The following LIPI variants were observed in gnomAD, a reference collection of about 807,000 sequenced individuals.
The protein encoded by LIPI is lipase I, also known as lipase member I.
A neutral mutation model predicts 50.6 loss-of-function variants in LIPI; 59 were observed. That is an observed-to-expected ratio of 1.16 (90% CI 0.94 to 1.45). LIPI has a LOEUF of 1.45. Ranked by LOEUF, LIPI falls within the 40% of genes most tolerant of loss-of-function variation. LIPI has a pLI of 0.00. For synonymous variants in LIPI, 203 were observed against 178.2 expected, an observed-to-expected ratio of 1.14 and a Z score of -1.11; for missense variants, 586 against 536.3, an observed-to-expected ratio of 1.09 and a Z score of -0.92.
chr21:14,206,620 A>G (rs2123356551), intron 1 of LIPI, among the ~76,000 whole-genome samples: 1 of 152,148 alleles, frequency 6.6e-6, no homozygotes, highest in East Asian at 1.9e-4. Context: ...TCATCCCAAA[A>G]ATCCTACATG....
intron 4 of LIPI, among the ~76,000 whole-genome samples, chr21:14,181,038 C>G (rs1347942858): frequency 1.3e-5 from 2 of 152,150 alleles, no homozygotes; most frequent in Non-Finnish European, 2.9e-5. Context: ...AACCTTTATT[C>G]TAGTTTCCTC....
intron 1 of LIPI, among the ~76,000 whole-genome samples, chr21:14,199,431 A>T (rs182289157): frequency 1.2e-3 from 176 of 152,128 alleles, no homozygotes; most frequent in African/African-American, 4.0e-3. Flanking sequence ...ACCCACAGAA[A>T]CACAACCACC....
At chr21:14,119,426 A>T (rs1459189533) in intron 9 of LIPI, among the ~76,000 whole-genome samples, 1 of 152,204 alleles carries the variant, frequency 6.6e-6, no homozygotes, top group African/African-American at 2.4e-5. Flanking sequence ...TCTCAAGGGC[A>T]GCATGAGCTT....
chr21:14,187,696 T>C (rs1447510592), intron 2 of LIPI, among the ~76,000 whole-genome samples: 4 of 152,104 alleles, frequency 2.6e-5, no homozygotes, highest in African/African-American at 9.7e-5. Context: ...CTCCTCTGTC[T>C]CTCTACAGCA....
intron 9 of LIPI, among the ~76,000 whole-genome samples, chr21:14,130,789 C>T (rs1312836578): frequency 6.9e-6 from 1 of 145,620 alleles, no homozygotes; most frequent in Non-Finnish European, 1.5e-5. Context: ...GGACTGAGGT[C>T]TAGCCTGCCC....
chr21:14,180,672 A>G (rs17305801), intron 4 of LIPI, among the ~76,000 whole-genome samples: 5,143 of 152,314 alleles, frequency 0.034, 214 homozygotes, highest in East Asian at 0.23. Context: ...AGAGGTTTGG[A>G]TAACACTAAA....
At chr21:14,149,124 G>A (rs1282681254) in intron 8 of LIPI, among the ~76,000 whole-genome samples, 1 of 152,140 alleles carries the variant, frequency 6.6e-6, no homozygotes, top group Non-Finnish European at 1.5e-5. Flanking sequence ...AAAGAAAAGA[G>A]GTTCAACTGA....
At chr21:14,199,605 C>CA (rs2019981536) in intron 1 of LIPI, among the ~76,000 whole-genome samples, 1 of 149,348 alleles carries the variant, frequency 6.7e-6, no homozygotes, top group Non-Finnish European at 1.5e-5. Context: ...AGCCTACCAA[C>CA]CAAAAAAAAA....
chr21:14,209,775 A>G (rs1489789882), intron 1 of LIPI, among the ~76,000 whole-genome samples: 1 of 152,068 alleles, frequency 6.6e-6, no homozygotes, highest in Non-Finnish European at 1.5e-5. Flanking sequence ...AATGATTATA[A>G]CTGTATTAAA....
At chr21:14,126,926 G>A (rs2017090055) in intron 9 of LIPI, among the ~76,000 whole-genome samples, 1 of 152,150 alleles carries the variant, frequency 6.6e-6, no homozygotes, top group Admixed American at 6.5e-5. Flanking sequence ...TTGGGGTGGT[G>A]ATTATATAAC....
At chr21:14,147,012 T>C (rs890927761) in intron 8 of LIPI, among the ~76,000 whole-genome samples, 4 of 151,954 alleles carry the variant, frequency 2.6e-5, no homozygotes, top group Non-Finnish European at 5.9e-5. Context: ...CTCCTGACCT[T>C]GTGATCCACC....
Position 14,166,429 on chromosome 21 carries a change from C to T in LIPI, c.666G>A (p.Leu222=), listed in dbSNP as rs1373362102. Residue 222 remains leucine, a synonymous_variant, in exon 5 of 10, where the codon TTG becomes TTA. Transcript: ENST00000681601. ...CATTTGGATAAAAATCTATATGTCCCAAGGGCTCTTGAATGCCTAAACCTG... is the reference window on the plus strand; with the variant it reads ...CATTTGGATAAAAATCTATATGTCCTAAGGGCTCTTGAATGCCTAAACCTG... ...DSNGLGIQEP[L]GHIDFYPNGG... is the part of the protein sequence containing the mutation. 11 of 1,608,064 alleles carry T rather than the reference C, an allele frequency of 6.8e-6. No homozygotes were observed. Among genetic ancestry groups the T allele is most frequent in the Non-Finnish European group, 8.5e-6 (10 of 1,174,714 alleles).
At chr21:14,121,829 G>A (rs2016873332) in intron 9 of LIPI, among the ~76,000 whole-genome samples, 1 of 152,132 alleles carries the variant, frequency 6.6e-6, no homozygotes, top group African/African-American at 2.4e-5. Context: ...AGGAACCAAG[G>A]CACAGCAGAA....
At chr21:14,114,242 C>A (rs188605502) in intron 9 of LIPI, among the ~76,000 whole-genome samples, 10 of 151,982 alleles carry the variant, frequency 6.6e-5, no homozygotes, top group African/African-American at 2.4e-4. Context: ...ATGGGGGAAC[C>A]ACCACAATGA....
In LIPI at chr21:14,167,803, A is replaced by G. The variant is rs191908370; in HGVS notation, c.644-1352T>C. On this transcript the variant is annotated intron_variant, in intron 4 of 9. Coordinates refer to ENST00000681601, the MANE Select transcript of LIPI (RefSeq NM_001302998.2). ...AAAAACTGGAAACTCTAAAAAGCAG[A>G]GTGCCTCTCCTCCTCCAAAGGAATG... Among the ~76,000 whole-genome samples the G allele has an allele frequency of 7.7e-3, 1,173 of 152,346 alleles. 19 individuals carry two copies. The highest frequency in any genetic ancestry group is 0.026 in the African/African-American group (1,068 of 41,570).
chr21:14,205,457 A>C (rs2020198377), intron 1 of LIPI, among the ~76,000 whole-genome samples: 1 of 152,008 alleles, frequency 6.6e-6, no homozygotes, highest in African/African-American at 2.4e-5. Flanking sequence ...ATTTCTGCAT[A>C]TATAGCCCAT....
At chr21:14,181,727 A>G in intron 4 of LIPI, 31 bp downstream of exon 4, 1 of 1,352,960 alleles carries the variant, frequency 7.4e-7, no homozygotes, top group South Asian at 1.2e-5. Flanking sequence ...TTCATTTTCA[A>G]ATAATTAGGT....
At chr21:14,147,455 C>T (rs1457412066) in intron 8 of LIPI, among the ~76,000 whole-genome samples, 1 of 152,140 alleles carries the variant, frequency 6.6e-6, no homozygotes, top group Non-Finnish European at 1.5e-5. Flanking sequence ...AACACAGTGC[C>T]TGGCTCCGTG....
chr21:14,153,184 C>T lies in LIPI; in HGVS notation c.1007-500G>A, dbSNP rs533139821. 6.6e-5 allele frequency among the ~76,000 whole-genome samples: 10 copies of T among 152,176 alleles called. No homozygotes were observed. In the South Asian group the frequency reaches 1.9e-3, roughly 28 times the overall value. ...TCATAGCAGTTCTTATTCAAATTGC[C>T]TTTACTAAACTTTGGTAGAGTATAT... On this transcript the variant is annotated intron_variant, in intron 7 of 9. Coordinates refer to ENST00000681601, the MANE Select transcript of LIPI (RefSeq NM_001302998.2).
Sources: allele counts gnomAD v4.1 joint callset (sites outside exome capture counted in the v4.1 genomes callset), GRCh38; gene constraint gnomAD v4.1.1; transcripts MANE v1.5; gene names NCBI Gene and HGNC (gene_info 2026-07-23, HGNC 2026-07-21).